Variants in PDE1A observed in about 807,000 individuals in gnomAD.
PDE1A encodes the protein phosphodiesterase 1A.
PDE1A carries 35 observed loss-of-function variants against 61.7 expected under a neutral mutation model. The ratio of observed to expected loss-of-function variants is 0.57; its 90% CI spans 0.43 to 0.75. The LOEUF (loss-of-function observed/expected upper bound fraction) is 0.75. Among genes scored for constraint, PDE1A ranks in the 30% least tolerant of loss-of-function variants. The probability of loss-of-function intolerance (pLI) is 0.00; values close to 1 mark genes in which losing one functional copy is unlikely to be tolerated. For synonymous variants in PDE1A, 232 were observed against 213.2 expected, an observed-to-expected ratio of 1.09 and a Z score of -0.77; for missense variants, 597 against 630.6, an observed-to-expected ratio of 0.95 and a Z score of 0.57.
At chr2:182,607,029 G>C in the PDE1A span, among the ~76,000 whole-genome samples, 1 of 152,124 alleles carries the variant, frequency 6.6e-6, no homozygotes, top group Non-Finnish European at 1.5e-5. Flanking sequence ...TTAAATGGCA[G>C]AGAAGAAATG....
chr2:182,465,011 A>C (rs1053071743), intron 2 of PDE1A, among the ~76,000 whole-genome samples: 9 of 152,206 alleles, frequency 5.9e-5, no homozygotes, highest in Non-Finnish European at 1.0e-4. Flanking sequence ...TGTATGTTAA[A>C]ATACAACAAT....
downstream of PDE1A, among the ~76,000 whole-genome samples, chr2:182,143,672 C>T (rs570141421): frequency 7.3e-4 from 111 of 152,214 alleles, 1 homozygote; most frequent in African/African-American, 2.5e-3. Flanking sequence ...CCCGCCACTA[C>T]GCCCGGCTAA....
intron 13 of PDE1A, among the ~76,000 whole-genome samples, chr2:182,154,525 C>T (rs1012328265): frequency 6.6e-6 from 1 of 152,162 alleles, no homozygotes; most frequent in Admixed American, 6.6e-5. Flanking sequence ...ATAATTGAAT[C>T]ATGGGGGCAG....
chr2:182,400,783 G>A (rs892990123), intron 1 of PDE1A, among the ~76,000 whole-genome samples: 1 of 152,194 alleles, frequency 6.6e-6, no homozygotes, highest in Admixed American at 6.5e-5. Flanking sequence ...AGGACCACTT[G>A]CTGGGGTGAA....
In PDE1A at chr2:182,234,431, C is replaced by A. The variant is rs758297729; in HGVS notation, c.417+1G>T. The A allele has an allele frequency of 6.3e-7, 1 of 1,590,046 alleles. No homozygotes were observed. The highest frequency in any genetic ancestry group is 1.3e-5 in the African/African-American group (1 of 74,248). The stretch of plus-strand genomic sequence containing the variant: ...ACACGAAAATAATGAAATTATGTCA[C>A]CTTTAATGTTACGATGACAGCTGCT... On this transcript the variant is annotated splice_donor_variant, in intron 4 of 13. Coordinates refer to ENST00000351439, the Ensembl canonical transcript of PDE1A. LOFTEE classifies it high-confidence loss of function.
At chr2:182,172,689 G>C (rs182501208) in intron 13 of PDE1A, among the ~76,000 whole-genome samples, 46 of 152,156 alleles carry the variant, frequency 3.0e-4, no homozygotes, top group African/African-American at 9.6e-4. Flanking sequence ...GAAAGAGACA[G>C]CTATGTTTAT....
At chr2:182,550,845 T>A in the PDE1A span, among the ~76,000 whole-genome samples, 8 of 152,226 alleles carry the variant, frequency 5.3e-5, no homozygotes, top group South Asian at 1.7e-3. Context: ...TCTGTGTCCA[T>A]ATGGCAAATG....
At chr2:182,265,647 T>C (rs1692581308) in intron 1 of PDE1A, among the ~76,000 whole-genome samples, 1 of 152,134 alleles carries the variant, frequency 6.6e-6, no homozygotes, top group Non-Finnish European at 1.5e-5. Context: ...TAGCAATAGG[T>C]AACTAATAAA....
At chr2:182,304,369 C>T (rs1380125667) in intron 1 of PDE1A, among the ~76,000 whole-genome samples, 5 of 152,162 alleles carry the variant, frequency 3.3e-5, no homozygotes, top group Non-Finnish European at 7.4e-5. Context: ...AAAACTTTCT[C>T]CGTATCAGTG....
rs980805962 is a variant in PDE1A at position 182,498,860 on chromosome 2, C to T, written c.101+23416G>A. Among the ~76,000 whole-genome samples the T allele has an allele frequency of 7.9e-5, 12 of 152,012 alleles. No individual in the cohort carries two copies. In the South Asian group the frequency reaches 1.9e-3, roughly 24 times the overall value. On this transcript the variant is annotated intron_variant, in intron 2 of 14. Transcript: ENST00000410103. ...TTGGGAGGCTGAGGCAGGAGAATGGCGTGAACCCGGAAGGCGGAGTTCGCA... is the reference window on the plus strand; with the variant it reads ...TTGGGAGGCTGAGGCAGGAGAATGGTGTGAACCCGGAAGGCGGAGTTCGCA...
intron 1 of PDE1A, among the ~76,000 whole-genome samples, chr2:182,400,712 A>T (rs1040406080): frequency 5.3e-5 from 8 of 152,202 alleles, no homozygotes; most frequent in Non-Finnish European, 8.8e-5. Context: ...ATACAGTAAG[A>T]GGAAGGAGAG....
chr2:182,449,857 A>C (rs186858024), intron 2 of PDE1A, among the ~76,000 whole-genome samples: 13 of 152,078 alleles, frequency 8.5e-5, no homozygotes, highest in African/African-American at 3.1e-4. Flanking sequence ...GGGCTGCCCT[A>C]ATAACTGAAG....
At position 182,493,289 on chromosome 2, in the gene PDE1A, T is replaced by TTA. The variant is rs1015238542; in HGVS notation, c.101+28985_101+28986dup. ...CTATACTGGTTAGGCTGGTCTTTTT[T>TTA]TATATATATATACTTTAAGTTCTAG... is the stretch of plus-strand genomic sequence containing the variant. On this transcript the variant is annotated intron_variant, in intron 2 of 14. Transcript: ENST00000410103. Among the ~76,000 whole-genome samples the TTA allele has an allele frequency of 9.2e-5, 14 of 151,958 alleles. No homozygotes were observed. In the East Asian group the frequency reaches 1.2e-3, roughly 13 times the overall value.
chr2:182,427,895 A>T (rs1703712613), upstream of PDE1A, among the ~76,000 whole-genome samples: 2 of 152,170 alleles, frequency 1.3e-5, no homozygotes, highest in Non-Finnish European at 2.9e-5. Context: ...TACATGTAAT[A>T]AAAAGGGAAA....
At chr2:182,194,606 C>T (rs1685981061) in intron 10 of PDE1A, among the ~76,000 whole-genome samples, 1 of 152,056 alleles carries the variant, frequency 6.6e-6, no homozygotes, top group South Asian at 2.1e-4. Context: ...CAGCGTTTCT[C>T]AAGACTGCAA....
At chr2:182,587,507 G>A in the PDE1A span, among the ~76,000 whole-genome samples, 12 of 152,120 alleles carry the variant, frequency 7.9e-5, no homozygotes, top group Non-Finnish European at 5.9e-5. Flanking sequence ...TTTCACTATT[G>A]CACAAATAAC....
At chr2:182,556,342 G>A in the PDE1A span, among the ~76,000 whole-genome samples, 4 of 152,166 alleles carry the variant, frequency 2.6e-5, no homozygotes, top group Admixed American at 1.3e-4. Context: ...GGAAGAGAGA[G>A]CCACAGGCAG....
the PDE1A span, among the ~76,000 whole-genome samples, chr2:182,693,907 A>G: frequency 1.3e-5 from 2 of 152,146 alleles, no homozygotes; most frequent in Non-Finnish European, 2.9e-5. Context: ...TTAGGCTCCC[A>G]AAGTTCTGGG....
intron 1 of PDE1A, among the ~76,000 whole-genome samples, chr2:182,397,157 T>G (rs554842979): frequency 4.1e-4 from 62 of 152,280 alleles, no homozygotes; most frequent in African/African-American, 1.4e-3. Context: ...CAACGATACA[T>G]ACAGTATATT....
Sources: allele counts gnomAD v4.1 joint callset (sites outside exome capture counted in the v4.1 genomes callset), GRCh38; gene constraint gnomAD v4.1.1; transcripts MANE v1.5; gene names NCBI Gene and HGNC (gene_info 2026-07-23, HGNC 2026-07-21).